ZNF2: variants seen among roughly 807,000 people sequenced by gnomAD.
ZNF2 encodes zinc finger protein 2, also known as zinc finger protein 2.2.
ZNF2 carries 12 observed loss-of-function variants against 21.9 expected under a neutral mutation model. The observed-to-expected ratio is 0.55, with a 90% CI of 0.35 to 0.89. ZNF2 has a LOEUF of 0.89. Ranked by LOEUF, ZNF2 falls within the 40% of genes least tolerant of loss-of-function variation. ZNF2 has a pLI of 0.01. For synonymous variants in ZNF2, 186 were observed against 196.3 expected (o/e 0.95, Z 0.44); for missense variants, 462 against 544.2 (o/e 0.85, Z 1.50).
At chr2:95,180,334 G>A in intron 4 of ZNF2, 62 bp downstream of exon 4, 1 of 1,106,352 alleles carries the variant, frequency 9.0e-7, no homozygotes, top group Non-Finnish European at 1.4e-6. Context: ...TTGGGTGATG[G>A]GGGAAATAAC....
intron 1 of ZNF2, among the ~76,000 whole-genome samples, chr2:95,172,076 C>G (rs1463903324): frequency 6.6e-6 from 1 of 152,204 alleles, no homozygotes; most frequent in Non-Finnish European, 1.5e-5. Context: ...CACTCCTTCC[C>G]CCAGCAACGA....
chr2:95,169,104 G>A (rs549370654), intron 1 of ZNF2, among the ~76,000 whole-genome samples: 1 of 152,216 alleles, frequency 6.6e-6, no homozygotes, highest in African/African-American at 2.4e-5. Flanking sequence ...TGGTGGATTT[G>A]AGAAGTCTTC....
intron 1 of ZNF2, among the ~76,000 whole-genome samples, chr2:95,172,166 A>G (rs1674295599): frequency 6.6e-6 from 1 of 152,238 alleles, no homozygotes; most frequent in Admixed American, 6.5e-5. Context: ...TTGAGGGCTA[A>G]GTCACATAGG....
Position 95,176,276 on chromosome 2 carries a change from T to C in ZNF2, c.33+17T>C, listed in dbSNP as rs530507810. 5.6e-5 allele frequency: 90 copies of C among 1,614,200 alleles called. No homozygotes were observed. The South Asian group carries it at 6.8e-4, about 12-fold the overall frequency. On this transcript the variant is annotated intron_variant, in intron 2 of 4. Transcript: ENST00000614034. Reference sequence around the variant, plus strand: ...AGATGCCAGGTGAGGTGGACTTTTGTGTTCCCGAAATACTCCATTCATCTC... The same window carrying C: ...AGATGCCAGGTGAGGTGGACTTTTGCGTTCCCGAAATACTCCATTCATCTC...
rs765121831 is a variant in ZNF2 at position 95,181,428 on chromosome 2, C to T, written c.600C>T (p.Pro200=). 6.2e-7 allele frequency: 1 copy of T among 1,614,172 alleles called. No individual in the cohort carries two copies. The highest frequency in any genetic ancestry group is 1.1e-5 in the South Asian group (1 of 91,086). Residue 200 remains proline, a synonymous_variant, in exon 5 of 5, where the codon CCC becomes CCT. Transcript: ENST00000614034. ...AGAGGACTCACACTGGGGAGAAGCC[C>T]TACGACTGCCGCGAGTGTGGGAAAG... The part of the protein sequence containing the change: ...RHQRTHTGEK[P]YDCRECGKAF...
intron 2 of ZNF2, among the ~76,000 whole-genome samples, chr2:95,176,745 C>A (rs1421683742): frequency 6.6e-6 from 1 of 152,206 alleles, no homozygotes; most frequent in Non-Finnish European, 1.5e-5. Flanking sequence ...TGCCCGAGGG[C>A]AGAGTCTTAA....
At position 95,177,539 on chromosome 2, in the gene ZNF2, T is replaced by A. The variant is rs767691599; in HGVS notation, c.90T>A (p.Arg30=). The part of the protein sequence containing the change: ...AVVFTDEEWS[R]LVPIQRDLYK... ...TTTTCACAGATGAAGAGTGGAGTCG[T>A]CTGGTCCCCATACAGAGGGACCTCT... Residue 30 remains arginine, a synonymous_variant, in exon 3 of 5, where the codon CGT becomes CGA. Coordinates refer to ENST00000614034, the MANE Select transcript of ZNF2 (RefSeq NM_021088.4). 1.2e-6 allele frequency: 2 copies of A among 1,614,142 alleles called. No individual in the cohort carries two copies. Among genetic ancestry groups the A allele is most frequent in the South Asian group, 2.2e-5 (2 of 91,084 alleles).
chr2:95,180,300 G>C, intron 4 of ZNF2, 28 bp downstream of exon 4: 1 of 1,524,862 alleles, frequency 6.6e-7, no homozygotes, highest in Non-Finnish European at 9.0e-7. Flanking sequence ...AGACAGAATG[G>C]AATTTTGTTT....
chr2:95,178,992 T>G (rs1400134972), intron 3 of ZNF2, among the ~76,000 whole-genome samples: 2 of 150,168 alleles, frequency 1.3e-5, no homozygotes, highest in Admixed American at 6.6e-5. Context: ...TGGTTTTTTT[T>G]GTTTTTTTTT....
intron 3 of ZNF2, among the ~76,000 whole-genome samples, chr2:95,178,707 G>C (rs1446386463): frequency 2.0e-5 from 3 of 152,076 alleles, no homozygotes; most frequent in Non-Finnish European, 2.9e-5. Flanking sequence ...TTTGCTTCAG[G>C]GAATTTATCC....
At chr2:95,171,192 A>C (rs1319991982) in intron 1 of ZNF2, among the ~76,000 whole-genome samples, 1 of 152,024 alleles carries the variant, frequency 6.6e-6, no homozygotes, top group Admixed American at 6.6e-5. Flanking sequence ...TTATTCAAAG[A>C]TGTGGGGTCG....
chr2:95,175,714 G>A (rs1674417837), intron 1 of ZNF2, among the ~76,000 whole-genome samples: 1 of 152,174 alleles, frequency 6.6e-6, no homozygotes, highest in Non-Finnish European at 1.5e-5. Flanking sequence ...ATAAGACACA[G>A]GGTCACATGG....
chr2:95,181,788 A>G lies in ZNF2; in HGVS notation c.960A>G (p.Lys320=), dbSNP rs1558717185. The G allele has an allele frequency of 6.2e-7, 1 of 1,614,236 alleles. No homozygotes were observed. Among genetic ancestry groups the G allele is most frequent in the Non-Finnish European group, 8.5e-7 (1 of 1,180,040 alleles). ...RKPYECNECG[K]AFYGVSSLNR... Reference sequence around the variant, plus strand: ...CTTATGAGTGTAACGAGTGCGGGAAAGCTTTCTATGGTGTCTCGTCTCTGA... The same window carrying G: ...CTTATGAGTGTAACGAGTGCGGGAAGGCTTTCTATGGTGTCTCGTCTCTGA... Residue 320 remains lysine, a synonymous_variant, in exon 5 of 5, where the codon AAA becomes AAG. Transcript: ENST00000614034.
chr2:95,179,330 C>T (rs1033379199), intron 3 of ZNF2, among the ~76,000 whole-genome samples: 2 of 152,100 alleles, frequency 1.3e-5, no homozygotes, highest in Non-Finnish European at 2.9e-5. Context: ...TTATGGGTGT[C>T]TTTGGATATC....
intron 1 of ZNF2, among the ~76,000 whole-genome samples, chr2:95,167,947 G>A (rs1267920821): frequency 6.6e-6 from 1 of 152,136 alleles, no homozygotes; most frequent in Non-Finnish European, 1.5e-5. Context: ...TGGTAACAGT[G>A]TGGAGTCAGT....
intron 1 of ZNF2, among the ~76,000 whole-genome samples, chr2:95,166,400 A>AC (rs1674042347): frequency 6.6e-6 from 1 of 152,132 alleles, no homozygotes; most frequent in African/African-American, 2.4e-5. Flanking sequence ...AAATGCAGGA[A>AC]CAGTGGTAGA....
rs1477952259 is a variant in ZNF2, at chr2:95,180,197, AAG to A, written c.204_205del (p.Asp70GlnfsTer11). 1.9e-6 allele frequency: 3 copies of A among 1,613,998 alleles called. No homozygotes were observed. The highest frequency in any genetic ancestry group is 2.5e-6 in the Non-Finnish European group (3 of 1,180,010). On this transcript the variant is annotated frameshift_variant, in exon 4 of 5. Transcript: ENST00000614034. LOFTEE classifies it high-confidence loss of function. ...VPQPDVIFQL[K>X]RGDKPWMVDL... ...TCAACCTGATGTGATTTTCCAATTG[AAG>A]AGAGGGGACAAGCCGTGGATGGTAG...
intron 3 of ZNF2, among the ~76,000 whole-genome samples, chr2:95,178,610 C>G (rs1674528821): frequency 2.0e-5 from 3 of 152,308 alleles, no homozygotes; most frequent in South Asian, 4.2e-4. Context: ...GTGCCTCTTT[C>G]CCAAGTTGGG....
intron 3 of ZNF2, 129 bp from the exon 4 acceptor site, chr2:95,180,030 C>T (rs1558715414): frequency 1.5e-6 from 1 of 649,158 alleles, no homozygotes. Flanking sequence ...GCATTCCAGC[C>T]TGGGCGACAG....
Sources: allele counts gnomAD v4.1 joint callset (sites outside exome capture counted in the v4.1 genomes callset), GRCh38; gene constraint gnomAD v4.1.1; transcripts MANE v1.5; gene names NCBI Gene and HGNC (gene_info 2026-07-23, HGNC 2026-07-21).